The following TEX26 variants were observed in gnomAD, a reference collection of about 807,000 sequenced individuals.
TEX26 encodes testis expressed 26, also known as testis-expressed protein 26.
A neutral mutation model predicts 35.3 loss-of-function variants in TEX26; 34 were observed. The observed-to-expected ratio is 0.96, with a 90% CI of 0.73 to 1.28. The LOEUF (loss-of-function observed/expected upper bound fraction) is 1.28. Among genes scored for constraint, TEX26 ranks in the 50% most tolerant of loss-of-function variants. TEX26 has a pLI of 0.00. For missense variants in TEX26, 371 were observed against 330.1 expected (o/e 1.12, Z -0.96); for synonymous variants, 136 against 111.8 (o/e 1.22, Z -1.36).
intron 6 of TEX26, among the ~76,000 whole-genome samples, chr13:30,971,378 G>T (rs1954706112): frequency 6.6e-6 from 1 of 152,164 alleles, no homozygotes. Flanking sequence ...CTCATAGGTT[G>T]TAGTCTCTGA....
At chr13:30,969,166 CAA>C (rs35969747) in intron 6 of TEX26, 120 bp downstream of exon 6, 467 of 601,556 alleles carry the variant, frequency 7.8e-4, no homozygotes, top group South Asian at 1.5e-3. Flanking sequence ...AACATTGCCT[CAA>C]AAAAAAAAAA....
At chr13:30,937,050 G>A (rs1953297780) in intron 1 of TEX26, 2 of 946,716 alleles carry the variant, frequency 2.1e-6, no homozygotes, top group Non-Finnish European at 2.5e-6. Context: ...AAAGGAAGAT[G>A]TACCAAAGAT....
intron 2 of TEX26, 64 bp downstream of exon 2, chr13:30,939,842 T>A: frequency 7.0e-7 from 1 of 1,434,154 alleles, no homozygotes; most frequent in Non-Finnish European, 9.7e-7. Flanking sequence ...CTTTTATGAC[T>A]CAGAATCCAA....
At chr13:30,939,873 G>C (rs1052179528) in intron 2 of TEX26, 95 bp downstream of exon 2, 2 of 1,151,802 alleles carry the variant, frequency 1.7e-6, no homozygotes, top group Non-Finnish European at 2.5e-6. Flanking sequence ...AGTAATTAGA[G>C]AAGCTTCGTA....
chr13:30,936,710 C>T lies in TEX26; in HGVS notation c.62-2984C>T, dbSNP rs1291489983. Reference sequence around the variant, plus strand: ...TCCCAGTGCTCCACAGGGCTGGGTCCACGGGAGGGCTTGGGGACTTCTTTG... The same window carrying T: ...TCCCAGTGCTCCACAGGGCTGGGTCTACGGGAGGGCTTGGGGACTTCTTTG... On this transcript the variant is annotated intron_variant, in intron 1 of 6. Coordinates refer to ENST00000380473, the MANE Select transcript of TEX26 (RefSeq NM_152325.3). 6.1e-6 allele frequency: 6 copies of T among 985,230 alleles called. No homozygotes were observed. In the South Asian group the frequency reaches 2.3e-4, roughly 39 times the overall value. The allele number at this position is 985,230 out of a possible 1,614,324, so 61.0% of individuals were successfully genotyped here. A position where few individuals can be genotyped will look rare whatever the true frequency, so the allele number is the denominator to read the frequency against.
chr13:30,944,436 T>C (rs971340643), intron 2 of TEX26, among the ~76,000 whole-genome samples: 1 of 151,794 alleles, frequency 6.6e-6, no homozygotes, highest in Non-Finnish European at 1.5e-5. Flanking sequence ...TTTTGCTGTT[T>C]AATTTCATTT....
At chr13:30,968,653 G>T (rs553456550) in intron 5 of TEX26, among the ~76,000 whole-genome samples, 1 of 152,108 alleles carries the variant, frequency 6.6e-6, no homozygotes, top group Non-Finnish European at 1.5e-5. Flanking sequence ...GTCATTCTCC[G>T]ATCACTGCCA....
At chr13:30,961,941 C>A (rs1463112272) in intron 4 of TEX26, among the ~76,000 whole-genome samples, 1 of 152,190 alleles carries the variant, frequency 6.6e-6, no homozygotes, top group African/African-American at 2.4e-5. Flanking sequence ...AACAACTATC[C>A]TGAGAACCTC....
chr13:30,943,200 G>A (rs560381432), intron 2 of TEX26, among the ~76,000 whole-genome samples: 2 of 152,076 alleles, frequency 1.3e-5, no homozygotes, highest in African/African-American at 2.4e-5. Context: ...TCCTTGTAGA[G>A]ATATTTCACC....
Position 30,956,973 on chromosome 13 carries a change from C to G in TEX26, c.413C>G (p.Ala138Gly). The G allele has an allele frequency of 2.5e-6, 4 of 1,614,156 alleles. No homozygotes were observed. Among genetic ancestry groups the G allele is most frequent in the Non-Finnish European group, 3.4e-6 (4 of 1,180,006 alleles). Residue 138 changes from alanine to glycine, a missense_variant, in exon 4 of 7, where the codon GCA becomes GGA. Ala to Gly is a moderately conservative substitution (Grantham distance 60). Coordinates refer to ENST00000380473, the MANE Select transcript of TEX26 (RefSeq NM_152325.3). The stretch of plus-strand genomic sequence containing the variant: ...GCTTCAATGAAAGAAGTTAACAAGG[C>G]ACTATCAAATCAGTTTATTTCCCTT... ...IPASMKEVNK[A>G]LSNQFISLTK...
chr13:30,934,580 G>A (rs1277541987), intron 1 of TEX26, among the ~76,000 whole-genome samples: 2 of 152,196 alleles, frequency 1.3e-5, no homozygotes, highest in African/African-American at 2.4e-5. Flanking sequence ...GGGGAGAAGT[G>A]GTCCTTACGT....
chr13:30,969,133 A>C (rs1954636852), intron 6 of TEX26, 87 bp downstream of exon 6: 11 of 1,164,214 alleles, frequency 9.4e-6, no homozygotes, highest in Non-Finnish European at 1.2e-5. Flanking sequence ...TAGCCACTGG[A>C]GTTGAATGCC....
chr13:30,950,397 G>A (rs893118017), intron 2 of TEX26, among the ~76,000 whole-genome samples: 1 of 151,984 alleles, frequency 6.6e-6, no homozygotes, highest in Non-Finnish European at 1.5e-5. Flanking sequence ...AAAAAGGCAA[G>A]ATTCTGGTTA....
At chr13:30,970,500 T>C (rs1384667802) in intron 6 of TEX26, among the ~76,000 whole-genome samples, 1 of 152,190 alleles carries the variant, frequency 6.6e-6, no homozygotes, top group East Asian at 1.9e-4. Flanking sequence ...GCCAAAGCTC[T>C]GCAGCAAGCT....
chr13:30,969,010 C>G lies in TEX26; in HGVS notation c.772C>G (p.Gln258Glu). 6.2e-7 allele frequency: 1 copy of G among 1,614,010 alleles called. No homozygotes were observed. The change falls in exon 6 of 7, where the codon CAA becomes GAA. Residue 258 changes from glutamine to glutamate, a missense_variant. Gln to Glu is a conservative substitution (Grantham distance 29). Coordinates refer to ENST00000380473, the MANE Select transcript of TEX26 (RefSeq NM_152325.3). Reference protein sequence around the residue: ...LMLLNSFTSSQVKEYLQSLSY... With the variant: ...LMLLNSFTSSEVKEYLQSLSY... ...GCTTTTAAACTCATTTACTTCCTCTCAAGTCAAAGAGTACCTTCAGAGTCT... is the reference window on the plus strand; with the variant it reads ...GCTTTTAAACTCATTTACTTCCTCTGAAGTCAAAGAGTACCTTCAGAGTCT...
At chr13:30,946,850 G>A (rs554825070) in intron 2 of TEX26, among the ~76,000 whole-genome samples, 1 of 152,086 alleles carries the variant, frequency 6.6e-6, no homozygotes, top group South Asian at 2.1e-4. Context: ...TAAAACCAAT[G>A]AATACTCTGA....
intron 6 of TEX26, among the ~76,000 whole-genome samples, chr13:30,971,460 A>G (rs536213362): frequency 9.9e-5 from 15 of 152,250 alleles, no homozygotes; most frequent in African/African-American, 3.4e-4. Context: ...AGAAAGGGAA[A>G]AGGCCAGGCT....
intron 6 of TEX26, chr13:30,973,398 A>C (rs1954775723): frequency 6.6e-6 from 1 of 152,210 alleles, no homozygotes; most frequent in Non-Finnish European, 1.5e-5. Context: ...GGGAAGGTGC[A>C]TGAAGGGTCT....
In TEX26 at chr13:30,974,865, C is replaced by T. The variant is rs1194606901; in HGVS notation, c.828C>T (p.Arg276=). ...LSYKDRQIID[R]FIRTHCDTNK... ...TTTCAGATAGACAAATTATTGATCG[C>T]TTTATTCGTACTCACTGTGACACTA... is the stretch of plus-strand genomic sequence containing the variant. Residue 276 remains arginine (R), a synonymous_variant, in exon 7 of 7, where the codon CGC becomes CGT. Coordinates refer to ENST00000380473, the MANE Select transcript of TEX26 (RefSeq NM_152325.3). The T allele has an allele frequency of 6.4e-7, 1 of 1,562,102 alleles. No individual in the cohort carries two copies. The highest frequency in any genetic ancestry group is 8.6e-7 in the Non-Finnish European group (1 of 1,159,342).
Sources: allele counts gnomAD v4.1 joint callset (sites outside exome capture counted in the v4.1 genomes callset), GRCh38; gene constraint gnomAD v4.1.1; transcripts MANE v1.5; gene names NCBI Gene and HGNC (gene_info 2026-07-23, HGNC 2026-07-21).